Variants in AGFG1 observed in about 807,000 individuals in gnomAD.
AGFG1 encodes ArfGAP with FG repeats 1, also known as arf-GAP domain and FG repeat-containing protein 1.
In AGFG1, 10 loss-of-function variants were observed where a neutral mutation model predicts 60.6. The observed-to-expected ratio is 0.16, with a 90% CI of 0.10 to 0.28. The LOEUF (loss-of-function observed/expected upper bound fraction) is 0.28, where lower values mean the gene tolerates loss of function less well. AGFG1 is among the 10% of genes least tolerant of loss of function. AGFG1 has a pLI of 1.00. For synonymous variants in AGFG1, 247 were observed against 242.9 expected (o/e 1.02, Z -0.16); for missense variants, 537 against 676.5 (o/e 0.79, Z 2.29).
At chr2:227,540,369 C>T (rs563018183) in intron 10 of AGFG1, among the ~76,000 whole-genome samples, 58 of 152,146 alleles carry the variant, frequency 3.8e-4, no homozygotes, top group African/African-American at 1.3e-3. Flanking sequence ...AGACAGGCGC[C>T]GGTGTGTGAT....
chr2:227,492,661 A>T (rs948992477), intron 2 of AGFG1, among the ~76,000 whole-genome samples: 3 of 152,096 alleles, frequency 2.0e-5, no homozygotes, highest in Non-Finnish European at 2.9e-5. Context: ...ATTCACAGCT[A>T]TGAAATATTT....
rs189890682 is a variant in AGFG1, at chr2:227,544,240, C to T, written c.1378+7247C>T. Among the ~76,000 whole-genome samples, 219 of 151,242 alleles carry T rather than the reference C, an allele frequency of 1.4e-3. 2 individuals are homozygous for T. Among genetic ancestry groups the T allele is most frequent in the African/African-American group, 4.4e-3 (181 of 41,138 alleles). On this transcript the variant is annotated intron_variant, in intron 10 of 12. Transcript: ENST00000310078. ...CGCGATCTTGGCTCACTGCAGGCTC[C>T]GCCTCCTGGGTTCACGCCATTCTCC...
intron 1 of AGFG1, among the ~76,000 whole-genome samples, chr2:227,474,981 AT>A (rs1295888779): frequency 5.3e-5 from 8 of 152,194 alleles, no homozygotes; most frequent in African/African-American, 1.9e-4. Context: ...ATCTCACGTA[AT>A]GCCTGGTATA....
intron 10 of AGFG1, among the ~76,000 whole-genome samples, chr2:227,545,019 G>T (rs1452624779): frequency 2.0e-5 from 3 of 152,106 alleles, no homozygotes; most frequent in Non-Finnish European, 4.4e-5. Context: ...TGCTATATTG[G>T]GGAAGTTCTC....
At chr2:227,491,406 A>G in intron 1 of AGFG1, 141 bp from the exon 2 acceptor site, 1 of 501,072 alleles carries the variant, frequency 2.0e-6, no homozygotes, top group Non-Finnish European at 3.5e-6. Context: ...GTTTAAAATA[A>G]TTTAAAAATA....
intron 1 of AGFG1, among the ~76,000 whole-genome samples, chr2:227,489,222 AGT>A (rs1690726483): frequency 1.7e-5 from 2 of 117,588 alleles, no homozygotes; most frequent in Non-Finnish European, 3.4e-5. Context: ...TAGTTTTGAG[AGT>A]TTTTTTTTTT....
chr2:227,490,333 C>T (rs1690770595), intron 1 of AGFG1, among the ~76,000 whole-genome samples: 1 of 152,112 alleles, frequency 6.6e-6, no homozygotes, highest in Admixed American at 6.5e-5. Flanking sequence ...AATCCCAGCA[C>T]TTTGGGAGGC....
chr2:227,500,501 G>A (rs1457924379), intron 2 of AGFG1, among the ~76,000 whole-genome samples: 1 of 152,164 alleles, frequency 6.6e-6, no homozygotes, highest in Admixed American at 6.5e-5. Flanking sequence ...GTCCTAGGTA[G>A]CTACAGCAAG....
chr2:227,518,072 G>C (rs1047577803), intron 2 of AGFG1, among the ~76,000 whole-genome samples: 2 of 151,968 alleles, frequency 1.3e-5, no homozygotes, highest in African/African-American at 2.4e-5. Flanking sequence ...ACGTTTTGGT[G>C]GGGGGGTGCA....
rs777649930 is a variant in AGFG1, at chr2:227,526,539, C to CTTT, written c.694+1643_694+1645dup. ...AGGCATGAGCCACTGTGCCCAGCCTCTTTTTTTTTTTTTTTTTTTTTGAGA... is the reference window on the plus strand; with the variant it reads ...AGGCATGAGCCACTGTGCCCAGCCTCTTTTTTTTTTTTTTTTTTTTTTTTGAGA... On this transcript the variant is annotated intron_variant, in intron 5 of 12. Coordinates refer to ENST00000310078, the MANE Select transcript of AGFG1 (RefSeq NM_004504.5). Among the ~76,000 whole-genome samples the CTTT allele has an allele frequency of 8.1e-4, 75 of 92,478 alleles. 4 individuals are homozygous for CTTT. The highest frequency in any genetic ancestry group is 1.4e-3 in the African/African-American group (32 of 22,842). 60.7% of individuals were successfully genotyped at this position (92,478 alleles called of 152,430 possible). A position where few individuals can be genotyped will look rare whatever the true frequency, so the allele number is the denominator to read the frequency against.
chr2:227,506,640 T>C (rs1056808208), intron 2 of AGFG1, among the ~76,000 whole-genome samples: 10 of 151,642 alleles, frequency 6.6e-5, no homozygotes, highest in Non-Finnish European at 1.5e-4. Flanking sequence ...GGTTGCTCTG[T>C]AGTGTCTTAA....
At chr2:227,478,431 C>T (rs1438318588) in intron 1 of AGFG1, among the ~76,000 whole-genome samples, 1 of 151,928 alleles carries the variant, frequency 6.6e-6, no homozygotes, top group African/African-American at 2.4e-5. Context: ...CAGCCTTGAC[C>T]TCCCCAGGCT....
intron 1 of AGFG1, among the ~76,000 whole-genome samples, chr2:227,474,120 G>A (rs1303496112): frequency 1.3e-5 from 2 of 152,168 alleles, no homozygotes; most frequent in African/African-American, 4.8e-5. Context: ...ACAGAGCTAG[G>A]TGATATCAAG....
intron 2 of AGFG1, among the ~76,000 whole-genome samples, chr2:227,500,948 A>T (rs1180375432): frequency 6.6e-6 from 1 of 151,086 alleles, no homozygotes; most frequent in African/African-American, 2.4e-5. Context: ...GCTCGCCACC[A>T]CGCCCAGCTA....
In AGFG1 at chr2:227,497,730, G is replaced by GTTTTTTTTTTTTTTTTTTTTTTTTTTT. The variant is rs148621752; in HGVS notation, c.261+6094_261+6095insTTTTTTTTTTTTTTTTTTTTTTTTTTT. ...ATATAGCCAAATGAGTTTCTTTCTT[G>GTTTTTTTTTTTTTTTTTTTTTTTTTTT]TTTTGTTTTTTTTTTTTTTTTTTTT... On this transcript the variant is annotated intron_variant, in intron 2 of 12. Transcript: ENST00000310078. 7.7e-5 allele frequency among the ~76,000 whole-genome samples: 3 copies of GTTTTTTTTTTTTTTTTTTTTTTTTTTT among 38,940 alleles called. 1 individual carries two copies. Among genetic ancestry groups the GTTTTTTTTTTTTTTTTTTTTTTTTTTT allele is most frequent in the African/African-American group, 2.3e-4 (3 of 13,228 alleles). The allele number at this position is 38,940 out of a possible 152,430, so 25.5% of individuals were successfully genotyped here. A position where few individuals can be genotyped will look rare whatever the true frequency, so the allele number is the denominator to read the frequency against.
At chr2:227,477,216 T>C (rs1359620692) in intron 1 of AGFG1, among the ~76,000 whole-genome samples, 1 of 152,204 alleles carries the variant, frequency 6.6e-6, no homozygotes, top group Non-Finnish European at 1.5e-5. Flanking sequence ...ACTTTTTCAA[T>C]TGTGAAGGAC....
intron 3 of AGFG1, 45 bp downstream of exon 3, chr2:227,520,108 A>C (rs376341887): frequency 5.2e-6 from 6 of 1,154,220 alleles, no homozygotes; most frequent in Non-Finnish European, 7.5e-6. Flanking sequence ...CCCAAATCAC[A>C]TATTAACTAT....
At chr2:227,514,298 G>C (rs934752944) in intron 2 of AGFG1, among the ~76,000 whole-genome samples, 11 of 152,110 alleles carry the variant, frequency 7.2e-5, no homozygotes, top group African/African-American at 2.2e-4. Context: ...TGCACCTTCT[G>C]CCTCCCGGGC....
chr2:227,499,369 A>G (rs914361391), intron 2 of AGFG1, among the ~76,000 whole-genome samples: 27 of 152,102 alleles, frequency 1.8e-4, no homozygotes, highest in Middle Eastern at 6.8e-3. Context: ...GCTGGGCACC[A>G]TGCCTCATGT....
Sources: gnomAD v4.1 joint callset for allele counts (sites outside exome capture counted in the v4.1 genomes callset) on GRCh38, gnomAD v4.1.1 for gene constraint, MANE v1.5 for transcripts, NCBI Gene and HGNC (gene_info 2026-07-23, HGNC 2026-07-21) for gene names.